TXNDC11: variants seen among roughly 807,000 people sequenced by gnomAD.
TXNDC11 encodes thioredoxin domain-containing protein 11.
Under a neutral mutation model 78.0 loss-of-function variants are expected in TXNDC11, and 68 were observed. That is an observed-to-expected ratio of 0.87 (90% confidence interval 0.72 to 1.07). TXNDC11 has a LOEUF of 1.07. TXNDC11 is among the 50% of genes least tolerant of loss of function. The pLI is 0.00. For missense variants in TXNDC11, 1,389 were observed against 1,221.8 expected (o/e 1.14, Z -2.04); for synonymous variants, 571 against 495.2 (o/e 1.15, Z -2.03).
At chr16:11,724,017 T>TA (rs1038965741) in intron 4 of TXNDC11, among the ~76,000 whole-genome samples, 1 of 151,992 alleles carries the variant, frequency 6.6e-6, no homozygotes, top group African/African-American at 2.4e-5. Flanking sequence ...CTTTAAAAAA[T>TA]AAAAAAGAGG....
chr16:11,738,445 GACCACTTTCT>G (rs371787049), intron 1 of TXNDC11, among the ~76,000 whole-genome samples: 5 of 152,312 alleles, frequency 3.3e-5, no homozygotes, highest in African/African-American at 1.2e-4. Flanking sequence ...TTGTCGAGGA[GACCACTTTCT>G]AGGGGAGGAA....
chr16:11,714,950 T>C (rs4781142), intron 5 of TXNDC11, among the ~76,000 whole-genome samples: 71,933 of 151,908 alleles, frequency 0.47, 17,322 homozygotes, highest in Middle Eastern at 0.57. Context: ...AAACAATATT[T>C]TGGTTAATAG....
chr16:11,684,433 C>T (rs966648645), intron 10 of TXNDC11, among the ~76,000 whole-genome samples, 188 bp from the exon 11 acceptor site: 1 of 152,150 alleles, frequency 6.6e-6, no homozygotes, highest in Non-Finnish European at 1.5e-5. Context: ...CAACATTCTA[C>T]TACGTGGACG....
chr16:11,705,012 A>G (rs2051144317), intron 5 of TXNDC11, among the ~76,000 whole-genome samples: 1 of 151,626 alleles, frequency 6.6e-6, no homozygotes. Context: ...CTCCTGCCTC[A>G]GCCTCCCGAG....
intron 5 of TXNDC11, among the ~76,000 whole-genome samples, chr16:11,707,328 A>G (rs1451867343): frequency 6.6e-6 from 1 of 151,322 alleles, no homozygotes; most frequent in Non-Finnish European, 1.5e-5. Flanking sequence ...CTGAGGCAGG[A>G]GAATCACTTA....
chr16:11,688,506 A>C (rs2050626063), intron 8 of TXNDC11, 61 bp from the exon 9 acceptor site: 1 of 1,352,320 alleles, frequency 7.4e-7, no homozygotes, highest in Non-Finnish European at 1.0e-6. Context: ...TAGCTGGCCT[A>C]CTTTTAAACT....
chr16:11,681,676 C>A (rs1313096553), intron 11 of TXNDC11, among the ~76,000 whole-genome samples: 6 of 152,190 alleles, frequency 3.9e-5, no homozygotes, highest in Admixed American at 1.3e-4. Flanking sequence ...ATCTCCCCCT[C>A]ATCACCCTGG....
intron 1 of TXNDC11, 180 bp downstream of exon 1, chr16:11,742,297 C>T (rs1036253775): frequency 2.1e-5 from 10 of 479,184 alleles, no homozygotes; most frequent in Non-Finnish European, 2.8e-5. Flanking sequence ...TGTCCGCGGG[C>T]GGGCCGGGGC....
intron 5 of TXNDC11, among the ~76,000 whole-genome samples, chr16:11,708,656 T>C (rs1228277582): frequency 4.6e-5 from 7 of 152,226 alleles, no homozygotes; most frequent in African/African-American, 1.7e-4. Flanking sequence ...CAACATATGC[T>C]TCAAAACAAA....
chr16:11,682,629 T>C (rs891168100), intron 11 of TXNDC11, among the ~76,000 whole-genome samples: 1 of 152,232 alleles, frequency 6.6e-6, no homozygotes, highest in African/African-American at 2.4e-5. Context: ...TTTCAAACTA[T>C]GCTTGGAATT....
intron 5 of TXNDC11, among the ~76,000 whole-genome samples, chr16:11,702,325 TC>T (rs2051055157): frequency 6.6e-6 from 1 of 152,128 alleles, no homozygotes; most frequent in Non-Finnish European, 1.5e-5. Context: ...AAAGGTACAT[TC>T]TTTCCTATCC....
At chr16:11,699,723 T>C (rs1157437835) in intron 6 of TXNDC11, among the ~76,000 whole-genome samples, 1 of 152,160 alleles carries the variant, frequency 6.6e-6, no homozygotes. Context: ...GGGCGCAGGT[T>C]TTAAAGGCTG....
chr16:11,685,039 G>A (rs1361845600), intron 10 of TXNDC11, among the ~76,000 whole-genome samples: 1 of 152,242 alleles, frequency 6.6e-6, no homozygotes, highest in Non-Finnish European at 1.5e-5. Context: ...TCATGTATGT[G>A]TCCAAAAGGA....
intron 1 of TXNDC11, 85 bp from the exon 2 acceptor site, chr16:11,736,318 G>T (rs2052220144): frequency 8.8e-7 from 1 of 1,135,590 alleles, no homozygotes; most frequent in East Asian, 2.6e-5. Flanking sequence ...AGCTTAAAAG[G>T]AAAATCCTCT....
At chr16:11,685,012 T>A (rs540170507) in intron 10 of TXNDC11, among the ~76,000 whole-genome samples, 1 of 152,018 alleles carries the variant, frequency 6.6e-6, no homozygotes, top group South Asian at 2.1e-4. Flanking sequence ...CTGGGGGGAG[T>A]GAGGGTGCGG....
intron 4 of TXNDC11, among the ~76,000 whole-genome samples, chr16:11,723,759 C>T (rs2051789600): frequency 6.6e-6 from 1 of 152,190 alleles, no homozygotes; most frequent in Non-Finnish European, 1.5e-5. Context: ...TTTTACTTAA[C>T]TCTCTTCTTC....
rs749232547 is a variant in TXNDC11 at position 11,742,780 on chromosome 16, G to A, written c.-50C>T. 3.0e-5 allele frequency: 43 copies of A among 1,411,034 alleles called. No homozygotes were observed. The highest frequency in any genetic ancestry group is 3.8e-5 in the Non-Finnish European group (41 of 1,088,624). 87.4% of individuals were successfully genotyped at this position (1,411,034 alleles called of 1,614,324 possible). The stretch of plus-strand genomic sequence containing the variant: ...ATACCGCCGCCGCCGCCTCGGGCCC[G>A]AAGGCCCGGCCCGGCCCGTTGCTCC... On this transcript the variant is annotated 5_prime_UTR_variant, in exon 1 of 12. Coordinates refer to ENST00000283033, the MANE Select transcript of TXNDC11 (RefSeq NM_015914.7).
At chr16:11,726,437 C>T (rs959360911) in intron 4 of TXNDC11, among the ~76,000 whole-genome samples, 1 of 151,668 alleles carries the variant, frequency 6.6e-6, no homozygotes, top group Admixed American at 6.6e-5. Context: ...AAAAATTAAC[C>T]GGGCATGGTG....
At chr16:11,720,805 G>C (rs183968093) in intron 5 of TXNDC11, among the ~76,000 whole-genome samples, 1 of 151,506 alleles carries the variant, frequency 6.6e-6, no homozygotes, top group Non-Finnish European at 1.5e-5. Context: ...GCAGTGGCGC[G>C]ATCTCGGTTT....
Sources: gnomAD v4.1 joint callset for allele counts (sites outside exome capture counted in the v4.1 genomes callset) on GRCh38, gnomAD v4.1.1 for gene constraint, MANE v1.5 for transcripts, NCBI Gene and HGNC (gene_info 2026-07-23, HGNC 2026-07-21) for gene names.